Variants in CSMD1 observed in about 807,000 individuals in gnomAD.
CSMD1 encodes CUB and sushi domain-containing protein 1.
A neutral mutation model predicts 417.5 loss-of-function variants in CSMD1; 213 were observed. The ratio of observed to expected loss-of-function variants is 0.51; its 90% confidence interval spans 0.46 to 0.57. The LOEUF is 0.57. Among genes scored for constraint, CSMD1 ranks in the 20% least tolerant of loss-of-function variants. The probability of loss-of-function intolerance (pLI) is 0.00; values close to 1 mark genes in which losing one functional copy is unlikely to be tolerated. For synonymous variants in CSMD1, 2,862 were observed against 1,736.8 expected, an observed-to-expected ratio of 1.65 and a Z score of -16.11; for missense variants, 6,923 against 4,529.7, an observed-to-expected ratio of 1.53 and a Z score of -15.17.
chr8:3,608,293 G>C (rs1196975921), intron 8 of CSMD1, among the ~76,000 whole-genome samples: 2 of 152,122 alleles, frequency 1.3e-5, no homozygotes, highest in Non-Finnish European at 2.9e-5. Flanking sequence ...CAGGGCTGTG[G>C]CCACATGGAG....
intron 1 of CSMD1, among the ~76,000 whole-genome samples, chr8:4,964,812 T>G (rs1471912985): frequency 6.6e-6 from 1 of 152,192 alleles, no homozygotes; most frequent in African/African-American, 2.4e-5. Context: ...GTTGTCCACC[T>G]GTTGTGCACC....
At chr8:3,052,280 TTCTA>T (rs1811868814) in intron 50 of CSMD1, among the ~76,000 whole-genome samples, 178 bp downstream of exon 50, 1 of 152,200 alleles carries the variant, frequency 6.6e-6, no homozygotes, top group Admixed American at 6.5e-5. Context: ...GCATAGCTCA[TTCTA>T]AATGGCTGAA....
At chr8:3,961,284 G>C (rs556454646) in intron 5 of CSMD1, among the ~76,000 whole-genome samples, 1 of 152,098 alleles carries the variant, frequency 6.6e-6, no homozygotes, top group Non-Finnish European at 1.5e-5. Context: ...AGTTATATAA[G>C]CATAAAAGTT....
chr8:4,270,726 G>C (rs572354095), intron 3 of CSMD1, among the ~76,000 whole-genome samples: 47 of 152,282 alleles, frequency 3.1e-4, no homozygotes, highest in African/African-American at 1.1e-3. Flanking sequence ...TGTGAAAATA[G>C]AAATATTGTG....
chr8:4,283,775 C>G (rs951350661), intron 3 of CSMD1, among the ~76,000 whole-genome samples: 3 of 69,270 alleles, frequency 4.3e-5, no homozygotes, highest in Non-Finnish European at 1.0e-4. Flanking sequence ...GGACATGAAC[C>G]AAAAGGAGAA....
At chr8:3,456,502 A>G (rs1041152892) in intron 12 of CSMD1, among the ~76,000 whole-genome samples, 1 of 152,178 alleles carries the variant, frequency 6.6e-6, no homozygotes, top group African/African-American at 2.4e-5. Context: ...GGCCTTGTGA[A>G]TGATGTCACC....
intron 3 of CSMD1, among the ~76,000 whole-genome samples, chr8:4,359,321 G>A (rs562622343): frequency 6.6e-6 from 1 of 152,056 alleles, no homozygotes; most frequent in South Asian, 2.1e-4. Context: ...TATTGTGCAG[G>A]GGCCAAATAG....
chr8:3,063,991 G>A (rs752027468), intron 49 of CSMD1, among the ~76,000 whole-genome samples: 1 of 152,142 alleles, frequency 6.6e-6, no homozygotes, highest in Admixed American at 6.5e-5. Flanking sequence ...ACAGATGCAC[G>A]GTCATTAGGA....
intron 3 of CSMD1, among the ~76,000 whole-genome samples, chr8:4,209,268 C>A (rs559061968): frequency 6.6e-6 from 1 of 152,146 alleles, no homozygotes; most frequent in Admixed American, 6.5e-5. Context: ...GCCAGCTGGC[C>A]TCTTTCCTTC....
At chr8:3,779,343 T>C (rs796910521) in intron 5 of CSMD1, among the ~76,000 whole-genome samples, 8 of 152,266 alleles carry the variant, frequency 5.3e-5, no homozygotes, top group African/African-American at 1.9e-4. Context: ...AAAGTAGTAC[T>C]GTAGCTACAA....
intron 3 of CSMD1, among the ~76,000 whole-genome samples, chr8:4,034,180 T>C (rs1464382679): frequency 2.6e-5 from 4 of 152,194 alleles, no homozygotes; most frequent in Non-Finnish European, 4.4e-5. Context: ...GAATACGGAA[T>C]AGGAATCATC....
At chr8:3,765,385 C>T (rs954509673) in intron 5 of CSMD1, among the ~76,000 whole-genome samples, 1 of 152,150 alleles carries the variant, frequency 6.6e-6, no homozygotes, top group Non-Finnish European at 1.5e-5. Flanking sequence ...ATAGACTTAA[C>T]CACTCCTACC....
intron 1 of CSMD1, among the ~76,000 whole-genome samples, chr8:4,858,615 C>A (rs1801946149): frequency 6.6e-6 from 1 of 152,030 alleles, no homozygotes; most frequent in African/African-American, 2.4e-5. Flanking sequence ...TTCTTATACA[C>A]CAACAACAGA....
At chr8:4,399,486 G>A (rs960688743) in intron 3 of CSMD1, among the ~76,000 whole-genome samples, 4 of 152,034 alleles carry the variant, frequency 2.6e-5, no homozygotes, top group Admixed American at 6.6e-5. Context: ...TCATGTTCAC[G>A]CTTAAGTTCA....
Position 4,825,069 on chromosome 8 carries a change from C to T in CSMD1, c.85+169263G>A, listed in dbSNP as rs552736564. On this transcript the variant is annotated intron_variant, in intron 1 of 69. Coordinates refer to ENST00000635120, the MANE Select transcript of CSMD1 (RefSeq NM_033225.6). The stretch of plus-strand genomic sequence containing the variant: ...CAAGCTTCTCTGCAGTTTATTCTCT[C>T]CCATTTTAAATACTGCATACATTTA... Among the ~76,000 whole-genome samples the T allele has an allele frequency of 2.0e-5, 3 of 152,114 alleles. No individual in the cohort carries two copies. The East Asian group carries it at 5.8e-4, about 29-fold the overall frequency.
intron 55 of CSMD1, among the ~76,000 whole-genome samples, chr8:2,976,072 T>C (rs1804893483): frequency 6.6e-6 from 1 of 152,154 alleles, no homozygotes; most frequent in Non-Finnish European, 1.5e-5. Flanking sequence ...CCGTAACACA[T>C]TTACAGATGC....
At position 4,578,332 on chromosome 8, in the gene CSMD1, A is replaced by ATTTTTTTTTTTTTTTTT. The variant is rs1172600205; in HGVS notation, c.302+58993_302+59009dup. On this transcript the variant is annotated intron_variant, in intron 2 of 69. Transcript: ENST00000635120. ...AGGCACCTGCCACGACACCCGGCTC[A>ATTTTTTTTTTTTTTTTT]TTTTTTTTTTTTTTTTTTTTTTTTT... Among the ~76,000 whole-genome samples the ATTTTTTTTTTTTTTTTT allele has an allele frequency of 2.5e-3, 124 of 48,762 alleles. 15 individuals carry two copies. Among genetic ancestry groups the ATTTTTTTTTTTTTTTTT allele is most frequent in the East Asian group, 8.8e-3 (10 of 1,136 alleles). The allele number at this position is 48,762 out of a possible 152,430, so 32.0% of individuals were successfully genotyped here.
intron 1 of CSMD1, among the ~76,000 whole-genome samples, chr8:4,727,952 A>G (rs1195658688): frequency 1.3e-5 from 1 of 79,606 alleles, no homozygotes; most frequent in Non-Finnish European, 2.2e-5. Context: ...AAATATATAT[A>G]TGTATATATA....
intron 10 of CSMD1, among the ~76,000 whole-genome samples, chr8:3,573,236 C>G (rs753673222): frequency 2.6e-5 from 4 of 152,154 alleles, no homozygotes; most frequent in Non-Finnish European, 5.9e-5. Flanking sequence ...AATGCTATTA[C>G]TATATCTCTT....
Sources: allele counts gnomAD v4.1 joint callset (sites outside exome capture counted in the v4.1 genomes callset), GRCh38; gene constraint gnomAD v4.1.1; transcripts MANE v1.5; gene names NCBI Gene and HGNC (gene_info 2026-07-23, HGNC 2026-07-21).